Variants in RALYL observed in about 807,000 individuals in gnomAD.
The protein encoded by RALYL is RALY RNA binding protein like.
Under a neutral mutation model 35.1 loss-of-function variants are expected in RALYL, and 29 were observed. The observed-to-expected ratio is 0.83, with a 90% CI of 0.61 to 1.13. The LOEUF is 1.13. RALYL is among the 50% of genes most tolerant of loss of function. The probability of loss-of-function intolerance (pLI) is 0.00; values close to 1 mark genes in which losing one functional copy is unlikely to be tolerated. For synonymous variants in RALYL, 120 were observed against 127.6 expected (o/e 0.94, Z 0.40); for missense variants, 359 against 360.4 (o/e 1.00, Z 0.03).
At chr8:84,857,029 C>A (rs1837170500) in intron 5 of RALYL, among the ~76,000 whole-genome samples, 1 of 91,284 alleles carries the variant, frequency 1.1e-5, no homozygotes, top group Admixed American at 1.5e-4. Flanking sequence ...AGCGAGACTC[C>A]GTCTCAGAAA....
At chr8:84,546,104 G>A (rs757396411) in intron 2 of RALYL, among the ~76,000 whole-genome samples, 1 of 152,038 alleles carries the variant, frequency 6.6e-6, no homozygotes, top group Non-Finnish European at 1.5e-5. Context: ...TGAGACAGTG[G>A]AGAGAGACAG....
Position 84,342,277 on chromosome 8 carries a change from A to ATATATAT in RALYL, c.-24+157853_-24+157854insTATATAT, listed in dbSNP as rs1848942440. Among the ~76,000 whole-genome samples the ATATATAT allele has an allele frequency of 9.2e-4, 61 of 66,134 alleles. 6 individuals carry two copies. Among genetic ancestry groups the ATATATAT allele is most frequent in the African/African-American group, 4.2e-3 (56 of 13,340 alleles). 43.4% of individuals were successfully genotyped at this position (66,134 alleles called of 152,430 possible). On this transcript the variant is annotated intron_variant, in intron 1 of 8. Coordinates refer to ENST00000521268, the MANE Select transcript of RALYL (RefSeq NM_173848.7). ...TGAGTGAGGGTACAGAGCATCGTTC[A>ATATATAT]ATATATATATATATATATAAAACTC... is the stretch of plus-strand genomic sequence containing the variant.
At chr8:84,258,110 A>G (rs971520263) in intron 1 of RALYL, among the ~76,000 whole-genome samples, 1 of 152,158 alleles carries the variant, frequency 6.6e-6, no homozygotes, top group African/African-American at 2.4e-5. Flanking sequence ...TGGGGGCCGA[A>G]GTAGCCACAT....
At chr8:84,757,769 A>G (rs968305817) in intron 2 of RALYL, among the ~76,000 whole-genome samples, 1 of 152,202 alleles carries the variant, frequency 6.6e-6, no homozygotes. Context: ...GAAAGTCAAC[A>G]TAAAAGTGTC....
intron 1 of RALYL, among the ~76,000 whole-genome samples, chr8:84,524,122 A>C (rs1006805300): frequency 5.3e-5 from 8 of 152,192 alleles, no homozygotes; most frequent in Non-Finnish European, 1.0e-4. Context: ...ACTAGTTTAC[A>C]GTCCCACCAA....
At chr8:84,802,340 CCA>C (rs1823528091) in intron 3 of RALYL, among the ~76,000 whole-genome samples, 1 of 152,148 alleles carries the variant, frequency 6.6e-6, no homozygotes, top group African/African-American at 2.4e-5. Flanking sequence ...CAGGATTTGG[CCA>C]CAGTTTGCAA....
At chr8:84,560,242 G>T (rs768242135) in intron 2 of RALYL, among the ~76,000 whole-genome samples, 3 of 151,782 alleles carry the variant, frequency 2.0e-5, no homozygotes, top group Non-Finnish European at 4.4e-5. Context: ...GGCTAGGGAA[G>T]GGTAATATAC....
At chr8:84,341,157 G>A (rs1242335174) in intron 1 of RALYL, among the ~76,000 whole-genome samples, 39 of 92,720 alleles carry the variant, frequency 4.2e-4, no homozygotes, top group South Asian at 1.3e-3. Context: ...CTAACCAGGT[G>A]ATTTTTTTTT....
At chr8:84,890,431 A>G (rs1481754228) in intron 8 of RALYL, among the ~76,000 whole-genome samples, 1 of 152,178 alleles carries the variant, frequency 6.6e-6, no homozygotes, top group African/African-American at 2.4e-5. Flanking sequence ...GAAAACACTA[A>G]AGATTACTAA....
chr8:84,589,923 A>G (rs931216554), intron 2 of RALYL, among the ~76,000 whole-genome samples: 1 of 152,216 alleles, frequency 6.6e-6, no homozygotes, highest in African/African-American at 2.4e-5. Context: ...AACATGATAA[A>G]TTGATTGTGT....
rs1588894838 is a variant in RALYL at position 84,669,406 on chromosome 8, G to A, written c.257-105173G>A. Among the ~76,000 whole-genome samples the A allele has an allele frequency of 2.0e-5, 3 of 148,708 alleles. No homozygotes were observed. The South Asian group carries it at 6.4e-4, about 32-fold the overall frequency. ...ATAGAGGGGGTACCCGTGCAGGTTT[G>A]TTACATGGGTATATTGCATCCAGGT... On this transcript the variant is annotated intron_variant, in intron 2 of 8. Coordinates refer to ENST00000521268, the MANE Select transcript of RALYL (RefSeq NM_173848.7).
chr8:84,897,787 A>G (rs547708537), intron 8 of RALYL, among the ~76,000 whole-genome samples: 12 of 152,344 alleles, frequency 7.9e-5, no homozygotes, highest in Non-Finnish European at 1.2e-4. Flanking sequence ...TGTGCCAGAT[A>G]TTGTTGGTTG....
At chr8:84,693,737 T>C (rs1838557751) in intron 2 of RALYL, among the ~76,000 whole-genome samples, 1 of 151,744 alleles carries the variant, frequency 6.6e-6, no homozygotes, top group Non-Finnish European at 1.5e-5. Context: ...GCAAATAAAA[T>C]TCAGCAACAT....
chr8:84,633,339 A>G (rs1824333144), intron 2 of RALYL, among the ~76,000 whole-genome samples: 1 of 151,858 alleles, frequency 6.6e-6, no homozygotes. Context: ...AGGCAAATAA[A>G]ATGGAAACTG....
intron 1 of RALYL, among the ~76,000 whole-genome samples, chr8:84,421,694 T>C (rs1587043113): frequency 7.3e-6 from 1 of 136,082 alleles, no homozygotes; most frequent in African/African-American, 2.8e-5. Context: ...TTGTCATAGA[T>C]AGCTCTTATT....
chr8:84,822,925 A>G (rs1209371224), intron 4 of RALYL, among the ~76,000 whole-genome samples: 4 of 152,164 alleles, frequency 2.6e-5, no homozygotes, highest in African/African-American at 9.6e-5. Context: ...GATAAAATTT[A>G]TTCAGTGCAA....
chr8:84,588,955 T>C lies in RALYL; in HGVS notation c.256+59378T>C, dbSNP rs149426659. 5.3e-3 allele frequency among the ~76,000 whole-genome samples: 805 copies of C among 152,214 alleles called. 6 individuals are homozygous for C. The highest frequency in any genetic ancestry group is 0.018 in the African/African-American group (767 of 41,528). On this transcript the variant is annotated intron_variant, in intron 2 of 8. Coordinates refer to ENST00000521268, the MANE Select transcript of RALYL (RefSeq NM_173848.7). Reference sequence around the variant, plus strand: ...CTCTTGTTGCCCAGGTGGAGTGCAATGGCATGATCTGGCCTCACTGCAACC... The same window carrying C: ...CTCTTGTTGCCCAGGTGGAGTGCAACGGCATGATCTGGCCTCACTGCAACC...
At chr8:84,572,663 T>C (rs1193230214) in intron 2 of RALYL, among the ~76,000 whole-genome samples, 1 of 151,846 alleles carries the variant, frequency 6.6e-6, no homozygotes, top group Non-Finnish European at 1.5e-5. Flanking sequence ...TATTCATGTA[T>C]AGATTTTGAA....
intron 1 of RALYL, among the ~76,000 whole-genome samples, chr8:84,243,008 AC>A (rs1403518164): frequency 1.1e-4 from 17 of 152,142 alleles, no homozygotes; most frequent in African/African-American, 3.9e-4. Context: ...TCTTGAGTTA[AC>A]TTTTATATAA....
Sources: allele counts gnomAD v4.1 joint callset (sites outside exome capture counted in the v4.1 genomes callset), GRCh38; gene constraint gnomAD v4.1.1; transcripts MANE v1.5; gene names NCBI Gene and HGNC (gene_info 2026-07-23, HGNC 2026-07-21).